The following SLC9A9 variants were observed in gnomAD, a reference collection of about 807,000 sequenced individuals.
SLC9A9 encodes the protein sodium/hydrogen exchanger 9.
A neutral mutation model predicts 77.8 loss-of-function variants in SLC9A9; 62 were observed. The ratio of observed to expected loss-of-function variants is 0.80; its 90% CI spans 0.65 to 0.98. The LOEUF is 0.98. Ranked by LOEUF, SLC9A9 falls within the 50% of genes least tolerant of loss-of-function variation. The pLI is 0.00. For missense variants in SLC9A9, 775 were observed against 774.9 expected (o/e 1.00, Z 0.00); for synonymous variants, 320 against 283.5 (o/e 1.13, Z -1.29).
Position 143,266,219 on chromosome 3 carries a change from G to A in SLC9A9, c.*483C>T, listed in dbSNP as rs1937708240. 2 of 644,678 alleles carry A rather than the reference G, an allele frequency of 3.1e-6. No individual in the cohort carries two copies. The highest frequency in any genetic ancestry group is 1.8e-5 in the African/African-American group (1 of 54,974). 39.9% of individuals were successfully genotyped at this position (644,678 alleles called of 1,614,324 possible). ...GTCACTGAGAGCAAATGGGAGTCAAGTCCTCAAAATAAGAAACTTATCACT... is the reference window on the plus strand; with the variant it reads ...GTCACTGAGAGCAAATGGGAGTCAAATCCTCAAAATAAGAAACTTATCACT... On this transcript the variant is annotated 3_prime_UTR_variant, in exon 16 of 16. Coordinates refer to ENST00000316549, the MANE Select transcript of SLC9A9 (RefSeq NM_173653.4).
intron 4 of SLC9A9, among the ~76,000 whole-genome samples, chr3:143,737,125 T>C (rs1182775268): frequency 1.3e-5 from 2 of 151,010 alleles, no homozygotes; most frequent in Admixed American, 6.6e-5. Context: ...AACAGTCACA[T>C]GTTAAGATTT....
At chr3:143,550,580 T>G (rs2036863991) in intron 9 of SLC9A9, among the ~76,000 whole-genome samples, 1 of 152,158 alleles carries the variant, frequency 6.6e-6, no homozygotes, top group African/African-American at 2.4e-5. Flanking sequence ...ATGACAAACA[T>G]GTGGCCCTAG....
intron 7 of SLC9A9, among the ~76,000 whole-genome samples, chr3:143,574,430 A>T (rs1457765185): frequency 6.6e-6 from 1 of 152,196 alleles, no homozygotes; most frequent in Non-Finnish European, 1.5e-5. Flanking sequence ...GTTCAGATTA[A>T]AAAGGTGTCT....
At chr3:143,322,017 C>T (rs753902786) in intron 14 of SLC9A9, among the ~76,000 whole-genome samples, 4 of 152,190 alleles carry the variant, frequency 2.6e-5, no homozygotes, top group Non-Finnish European at 4.4e-5. Flanking sequence ...AGCCACTTGG[C>T]CCTTCCAATG....
chr3:143,797,837 C>G lies in SLC9A9; in HGVS notation c.379-934G>C, dbSNP rs568372652. ...ATGTCCCCACCCATATCTCCCTTCA[C>G]TGACTCTCTTTTGGGACTCAGCCCA... On this transcript the variant is annotated intron_variant, in intron 2 of 15. Coordinates refer to ENST00000316549, the MANE Select transcript of SLC9A9 (RefSeq NM_173653.4). Among the ~76,000 whole-genome samples the G allele has an allele frequency of 3.9e-5, 6 of 152,300 alleles. No individual in the cohort carries two copies. The South Asian group carries it at 8.3e-4, about 21-fold the overall frequency.
intron 11 of SLC9A9, among the ~76,000 whole-genome samples, chr3:143,476,919 C>T (rs975198255): frequency 6.6e-6 from 1 of 152,118 alleles, no homozygotes; most frequent in Admixed American, 6.5e-5. Context: ...AATTATCTGC[C>T]CCAAATGTCC....
At chr3:143,313,702 G>T (rs1160668822) in intron 14 of SLC9A9, among the ~76,000 whole-genome samples, 1 of 152,204 alleles carries the variant, frequency 6.6e-6, no homozygotes, top group East Asian at 1.9e-4. Context: ...TTGACCTCTT[G>T]GCTTTGGAAA....
intron 14 of SLC9A9, among the ~76,000 whole-genome samples, chr3:143,301,327 C>A (rs924326396): frequency 6.6e-6 from 1 of 152,250 alleles, no homozygotes; most frequent in African/African-American, 2.4e-5. Context: ...ATAGTACCAA[C>A]TGCTTCCTCT....
chr3:143,370,938 T>C (rs935694977), intron 13 of SLC9A9, among the ~76,000 whole-genome samples: 1 of 151,982 alleles, frequency 6.6e-6, no homozygotes, highest in African/African-American at 2.4e-5. Context: ...TTGCTGCCTG[T>C]AAGTCATTCT....
At chr3:143,579,811 G>A (rs1361949994) in intron 6 of SLC9A9, among the ~76,000 whole-genome samples, 1 of 152,166 alleles carries the variant, frequency 6.6e-6, no homozygotes, top group Non-Finnish European at 1.5e-5. Flanking sequence ...GAGCATGTTA[G>A]CTCTCTGACC....
intron 12 of SLC9A9, among the ~76,000 whole-genome samples, chr3:143,445,368 C>A (rs558675312): frequency 1.3e-5 from 2 of 152,334 alleles, no homozygotes; most frequent in East Asian, 3.9e-4. Context: ...TTACCCCTTT[C>A]ACATAGGAGA....
intron 6 of SLC9A9, among the ~76,000 whole-genome samples, chr3:143,631,258 G>T (rs1009364227): frequency 1.3e-5 from 2 of 152,092 alleles, no homozygotes; most frequent in South Asian, 4.2e-4. Flanking sequence ...CCTGCATTTG[G>T]GTCAAAATTT....
At chr3:143,502,955 C>T (rs2035949837) in intron 9 of SLC9A9, among the ~76,000 whole-genome samples, 2 of 152,276 alleles carry the variant, frequency 1.3e-5, no homozygotes, top group East Asian at 3.9e-4. Context: ...TTGAACAAAG[C>T]TGGCATATAG....
intron 2 of SLC9A9, among the ~76,000 whole-genome samples, chr3:143,806,667 T>C (rs947103408): frequency 2.0e-5 from 3 of 151,730 alleles, no homozygotes; most frequent in Non-Finnish European, 2.9e-5. Flanking sequence ...ATTGAAACAA[T>C]TGAACTCATG....
At chr3:143,835,698 T>C (rs952259748) in intron 1 of SLC9A9, among the ~76,000 whole-genome samples, 1 of 152,200 alleles carries the variant, frequency 6.6e-6, no homozygotes, top group African/African-American at 2.4e-5. Context: ...AAATCACTTG[T>C]TCACAGAAGA....
At chr3:143,536,233 G>T (rs1341541735) in intron 9 of SLC9A9, among the ~76,000 whole-genome samples, 2 of 152,202 alleles carry the variant, frequency 1.3e-5, no homozygotes, top group African/African-American at 4.8e-5. Context: ...AAGCAGCTGG[G>T]TGAGGTGGGT....
chr3:143,471,555 A>G (rs1242880943), intron 11 of SLC9A9, among the ~76,000 whole-genome samples: 1 of 152,198 alleles, frequency 6.6e-6, no homozygotes, highest in South Asian at 2.1e-4. Flanking sequence ...AAAAACACAC[A>G]CCATTTCTCT....
rs73869038 is a variant in SLC9A9, at chr3:143,836,609, A to G, written c.176-4388T>C. On this transcript the variant is annotated intron_variant, in intron 1 of 15. Coordinates refer to ENST00000316549, the MANE Select transcript of SLC9A9 (RefSeq NM_173653.4). ...CATGATGTTTGTGAGAGAAGAAAGA[A>G]GAGAGGGGACAGAAGGAAGGAGGAA... Among the ~76,000 whole-genome samples the G allele has an allele frequency of 1.3e-3, 195 of 152,330 alleles. 1 individual carries two copies. The highest frequency in any genetic ancestry group is 4.5e-3 in the African/African-American group (189 of 41,580).
intron 14 of SLC9A9, among the ~76,000 whole-genome samples, chr3:143,357,002 C>T (rs930860564): frequency 6.6e-6 from 1 of 152,144 alleles, no homozygotes; most frequent in Non-Finnish European, 1.5e-5. Flanking sequence ...CAGCCCAATG[C>T]AAGCTGGGCT....
Sources: allele counts gnomAD v4.1 joint callset (sites outside exome capture counted in the v4.1 genomes callset), GRCh38; gene constraint gnomAD v4.1.1; transcripts MANE v1.5; gene names NCBI Gene and HGNC (gene_info 2026-07-23, HGNC 2026-07-21).